The following PAPSS1 variants were observed in gnomAD, a reference collection of about 807,000 sequenced individuals.
PAPSS1 encodes 3'-phosphoadenosine 5'-phosphosulfate synthase 1.
A neutral mutation model predicts 72.0 loss-of-function variants in PAPSS1; 50 were observed. That is an observed-to-expected ratio of 0.69 (90% CI 0.55 to 0.88). The LOEUF is 0.88. Among genes scored for constraint, PAPSS1 ranks in the 40% least tolerant of loss-of-function variants. PAPSS1 has a pLI of 0.00. For synonymous variants in PAPSS1, 261 were observed against 263.6 expected (o/e 0.99, Z 0.09); for missense variants, 657 against 782.2 (o/e 0.84, Z 1.91).
chr4:107,691,232 T>C (rs768470945), intron 3 of PAPSS1, among the ~76,000 whole-genome samples: 4 of 152,050 alleles, frequency 2.6e-5, no homozygotes, highest in Non-Finnish European at 5.9e-5. Flanking sequence ...AGTACTAGAA[T>C]TGTGCTAATA....
intron 1 of PAPSS1, among the ~76,000 whole-genome samples, chr4:107,711,965 G>C (rs1033915724): frequency 3.9e-5 from 6 of 152,214 alleles, no homozygotes; most frequent in Non-Finnish European, 7.3e-5. Flanking sequence ...TGGCCTGGCT[G>C]CTTGTTAGGA....
chr4:107,621,608 C>CTTTTTTTGTTTTTTTTTTTTTTTTTTTT (rs1725956643), intron 11 of PAPSS1, among the ~76,000 whole-genome samples: 1 of 48,148 alleles, frequency 2.1e-5, no homozygotes, highest in Non-Finnish European at 3.9e-5. Context: ...GGTTTTTTAT[C>CTTTTTTTGTTTTTTTTTTTTTTTTTTTT]TTTTTTTTTT....
chr4:107,719,653 G>A (rs914790426), intron 1 of PAPSS1, among the ~76,000 whole-genome samples: 1 of 152,150 alleles, frequency 6.6e-6, no homozygotes, highest in African/African-American at 2.4e-5. Flanking sequence ...CCCAAACCTG[G>A]GCCAACCGCA....
At chr4:107,697,692 A>T (rs905702100) in intron 2 of PAPSS1, among the ~76,000 whole-genome samples, 3 of 152,228 alleles carry the variant, frequency 2.0e-5, no homozygotes, top group Admixed American at 6.5e-5. Flanking sequence ...ATACAAGATA[A>T]GCAATCCAAA....
chr4:107,656,762 T>C, intron 7 of PAPSS1, 134 bp downstream of exon 7: 1 of 646,692 alleles, frequency 1.5e-6, no homozygotes, highest in East Asian at 2.7e-5. Flanking sequence ...TGTTCGGTAC[T>C]GATATAACTT....
chr4:107,641,090 G>C (rs1431381521), intron 10 of PAPSS1, among the ~76,000 whole-genome samples: 2 of 152,184 alleles, frequency 1.3e-5, no homozygotes, highest in African/African-American at 4.8e-5. Flanking sequence ...AACTAGTCAG[G>C]CTCCCCTGAG....
intron 3 of PAPSS1, among the ~76,000 whole-genome samples, chr4:107,691,276 G>A (rs1722911892): frequency 6.6e-6 from 1 of 151,772 alleles, no homozygotes; most frequent in Non-Finnish European, 1.5e-5. Flanking sequence ...GTTATTACAT[G>A]CCAGGCACTG....
chr4:107,651,429 G>A (rs1360576612), intron 9 of PAPSS1, among the ~76,000 whole-genome samples: 1 of 152,092 alleles, frequency 6.6e-6, no homozygotes, highest in African/African-American at 2.4e-5. Flanking sequence ...AAAAATTAAG[G>A]CACCTGTATT....
At chr4:107,716,078 C>G (rs1723632458) in intron 1 of PAPSS1, among the ~76,000 whole-genome samples, 1 of 152,190 alleles carries the variant, frequency 6.6e-6, no homozygotes, top group African/African-American at 2.4e-5. Flanking sequence ...AATATCAGAG[C>G]TACCGAGCTA....
chr4:107,705,669 GTTAA>G (rs1723322218), intron 1 of PAPSS1, among the ~76,000 whole-genome samples: 1 of 152,166 alleles, frequency 6.6e-6, no homozygotes, highest in Non-Finnish European at 1.5e-5. Flanking sequence ...TGTCACTATT[GTTAA>G]TTGTCTTTTA....
chr4:107,715,587 G>A (rs1723617696), intron 1 of PAPSS1, among the ~76,000 whole-genome samples: 1 of 152,194 alleles, frequency 6.6e-6, no homozygotes. Flanking sequence ...GAGACAAGCT[G>A]TTTGGGAAAG....
At chr4:107,645,628 T>A (rs532448954) in intron 9 of PAPSS1, among the ~76,000 whole-genome samples, 121 of 152,346 alleles carry the variant, frequency 7.9e-4, no homozygotes, top group African/African-American at 2.8e-3. Flanking sequence ...GGATTATAGT[T>A]TAGCAACAAC....
At chr4:107,637,493 T>C (rs1211771098) in intron 10 of PAPSS1, among the ~76,000 whole-genome samples, 1 of 152,178 alleles carries the variant, frequency 6.6e-6, no homozygotes, top group African/African-American at 2.4e-5. Context: ...CACCTGACGG[T>C]TGAGAAATTT....
At chr4:107,617,024 C>T (rs903701139) in intron 11 of PAPSS1, among the ~76,000 whole-genome samples, 1 of 152,096 alleles carries the variant, frequency 6.6e-6, no homozygotes, top group African/African-American at 2.4e-5. Flanking sequence ...TCACAGTTCA[C>T]TGAGTCTAGC....
intron 3 of PAPSS1, among the ~76,000 whole-genome samples, chr4:107,693,534 T>G (rs1282021421): frequency 6.6e-6 from 1 of 152,232 alleles, no homozygotes; most frequent in Non-Finnish European, 1.5e-5. Flanking sequence ...AATGACTGTG[T>G]TATACTTCAC....
At chr4:107,633,735 C>T (rs1332230173) in intron 10 of PAPSS1, among the ~76,000 whole-genome samples, 6 of 151,626 alleles carry the variant, frequency 4.0e-5, no homozygotes, top group Non-Finnish European at 7.4e-5. Context: ...CTGGCTAACA[C>T]GGTGAAACCC....
intron 9 of PAPSS1, among the ~76,000 whole-genome samples, chr4:107,652,211 C>T (rs1211905744): frequency 6.6e-6 from 1 of 152,190 alleles, no homozygotes; most frequent in Non-Finnish European, 1.5e-5. Context: ...AAGAGAGCAG[C>T]ACCAGTGCTT....
chr4:107,651,001 T>A (rs1451698954), intron 9 of PAPSS1, among the ~76,000 whole-genome samples: 1 of 152,206 alleles, frequency 6.6e-6, no homozygotes, highest in South Asian at 2.1e-4. Flanking sequence ...GCATCATTAT[T>A]AACTTGTATC....
intron 10 of PAPSS1, among the ~76,000 whole-genome samples, chr4:107,636,566 G>T (rs945045307): frequency 3.3e-5 from 5 of 152,192 alleles, no homozygotes. Context: ...GAAATCAAAG[G>T]GGGTAACACT....
Sources: allele counts gnomAD v4.1 joint callset (sites outside exome capture counted in the v4.1 genomes callset), GRCh38; gene constraint gnomAD v4.1.1; transcripts MANE v1.5; gene names NCBI Gene and HGNC (gene_info 2026-07-23, HGNC 2026-07-21).